Variants in GPC6 observed in about 807,000 individuals in gnomAD.
GPC6 encodes glypican 6.
Under a neutral mutation model 55.2 loss-of-function variants are expected in GPC6, and 14 were observed. That is an observed-to-expected ratio of 0.25 (90% CI 0.17 to 0.40). GPC6 has a LOEUF of 0.40. Among genes scored for constraint, GPC6 ranks in the 10% least tolerant of loss-of-function variants. GPC6 has a pLI of 1.00. For synonymous variants in GPC6, 278 were observed against 259.6 expected, an observed-to-expected ratio of 1.07 and a Z score of -0.68; for missense variants, 641 against 708.5, an observed-to-expected ratio of 0.90 and a Z score of 1.08.
At chr13:93,314,833 G>T (rs540195706) in intron 1 of GPC6, among the ~76,000 whole-genome samples, 9 of 152,152 alleles carry the variant, frequency 5.9e-5, no homozygotes, top group Non-Finnish European at 1.0e-4. Flanking sequence ...AGATTAATCT[G>T]GGAGTAAATT....
At chr13:93,786,125 T>G (rs1025218814) in intron 2 of GPC6, among the ~76,000 whole-genome samples, 2 of 152,180 alleles carry the variant, frequency 1.3e-5, no homozygotes, top group African/African-American at 4.8e-5. Context: ...ACTCAGATGT[T>G]ATTTTCAAAA....
At chr13:93,571,963 T>A (rs558574896) in intron 2 of GPC6, among the ~76,000 whole-genome samples, 3 of 152,288 alleles carry the variant, frequency 2.0e-5, no homozygotes, top group Non-Finnish European at 4.4e-5. Flanking sequence ...GATCTAGTTT[T>A]ACCATTATAA....
intron 2 of GPC6, among the ~76,000 whole-genome samples, chr13:93,755,480 T>G (rs1184547147): frequency 6.6e-6 from 1 of 152,214 alleles, no homozygotes; most frequent in East Asian, 1.9e-4. Context: ...CTATTGTCAT[T>G]TGAAATTCTT....
chr13:93,892,854 GCCTC>G (rs2140319575), intron 3 of GPC6, among the ~76,000 whole-genome samples: 1 of 152,192 alleles, frequency 6.6e-6, no homozygotes, highest in African/African-American at 2.4e-5. Context: ...AAGCCACTCA[GCCTC>G]CCCAGCACTC....
At chr13:94,170,812 A>G (rs902808143) in intron 4 of GPC6, among the ~76,000 whole-genome samples, 22 of 152,226 alleles carry the variant, frequency 1.4e-4, no homozygotes, top group Non-Finnish European at 2.9e-4. Context: ...CATTTGAGCC[A>G]TCATGTTTAA....
chr13:93,950,173 T>C lies in GPC6; in HGVS notation c.712-77556T>C, dbSNP rs1379374087. ...CAAATGGCAAATTTTATGTCATATA[T>C]ATTTTACCACGATAAAAATTAAATA... On this transcript the variant is annotated intron_variant, in intron 3 of 8. Coordinates refer to ENST00000377047, the MANE Select transcript of GPC6 (RefSeq NM_005708.5). Among the ~76,000 whole-genome samples, 3 of 152,210 alleles carry C rather than the reference T, an allele frequency of 2.0e-5. No individual in the cohort carries two copies. In the East Asian group the frequency reaches 5.8e-4, roughly 29 times the overall value.
intron 1 of GPC6, among the ~76,000 whole-genome samples, chr13:93,273,918 G>T (rs1877637369): frequency 1.3e-5 from 2 of 151,758 alleles, no homozygotes; most frequent in Admixed American, 1.3e-4. Context: ...AAGCAATTCT[G>T]TGCCTCAGCG....
chr13:93,669,848 A>G (rs1881289143), intron 2 of GPC6, among the ~76,000 whole-genome samples: 1 of 152,072 alleles, frequency 6.6e-6, no homozygotes, highest in Non-Finnish European at 1.5e-5. Context: ...AAAAAAGCAC[A>G]TATTGATTAG....
intron 4 of GPC6, among the ~76,000 whole-genome samples, chr13:94,122,492 G>A (rs1340313536): frequency 1.3e-5 from 2 of 152,072 alleles, no homozygotes; most frequent in Non-Finnish European, 2.9e-5. Flanking sequence ...AATTAGGTTG[G>A]ATGACCAGTC....
chr13:93,697,590 C>T (rs540237673), intron 2 of GPC6, among the ~76,000 whole-genome samples: 13 of 152,248 alleles, frequency 8.5e-5, no homozygotes, highest in Non-Finnish European at 1.3e-4. Context: ...TGTTAGACAA[C>T]GAATTAGCAT....
intron 1 of GPC6, among the ~76,000 whole-genome samples, chr13:93,370,322 CAAACATA>C (rs1881405436): frequency 6.6e-6 from 1 of 152,222 alleles, no homozygotes. Flanking sequence ...TTACATATGA[CAAACATA>C]AACACCCCAA....
intron 3 of GPC6, among the ~76,000 whole-genome samples, chr13:94,003,681 T>C (rs571517938): frequency 7.9e-5 from 12 of 152,176 alleles, no homozygotes; most frequent in Non-Finnish European, 1.8e-4. Context: ...ACAAACAGAA[T>C]GGAGGCAAGA....
At chr13:94,260,081 C>A (rs1422138109) in intron 4 of GPC6, among the ~76,000 whole-genome samples, 1 of 152,126 alleles carries the variant, frequency 6.6e-6, no homozygotes, top group Admixed American at 6.5e-5. Context: ...ACGGGATGTT[C>A]TTAACCTGTT....
intron 4 of GPC6, among the ~76,000 whole-genome samples, chr13:94,216,659 G>T (rs753721262): frequency 2.6e-5 from 4 of 152,096 alleles, no homozygotes; most frequent in Non-Finnish European, 5.9e-5. Flanking sequence ...CTTCTGTTCT[G>T]CCAGCTGGTC....
At chr13:93,793,773 G>A (rs1246901963) in intron 2 of GPC6, among the ~76,000 whole-genome samples, 3 of 152,064 alleles carry the variant, frequency 2.0e-5, no homozygotes, top group East Asian at 1.9e-4. Flanking sequence ...ATTTCATATT[G>A]CAAGATGATT....
intron 1 of GPC6, among the ~76,000 whole-genome samples, chr13:93,530,371 C>G (rs1460324754): frequency 6.6e-6 from 1 of 152,152 alleles, no homozygotes; most frequent in East Asian, 1.9e-4. Flanking sequence ...TCATTTCTCT[C>G]CAGGTAATTC....
chr13:94,327,374 C>T (rs1029317587), intron 6 of GPC6, among the ~76,000 whole-genome samples: 3 of 152,134 alleles, frequency 2.0e-5, no homozygotes, highest in African/African-American at 7.2e-5. Context: ...GGGCCTTTTG[C>T]GTCTCTTTCC....
At chr13:93,315,307 A>T (rs1879210142) in intron 1 of GPC6, among the ~76,000 whole-genome samples, 2 of 152,192 alleles carry the variant, frequency 1.3e-5, no homozygotes, top group African/African-American at 2.4e-5. Context: ...AATGAATATG[A>T]TCATATTGTG....
At chr13:93,218,234 T>C in the GPC6 span, among the ~76,000 whole-genome samples, 2 of 152,036 alleles carry the variant, frequency 1.3e-5, no homozygotes. Flanking sequence ...TAGAAGCAAG[T>C]TTTAAAAATG....
Sources: allele counts gnomAD v4.1 joint callset (sites outside exome capture counted in the v4.1 genomes callset), GRCh38; gene constraint gnomAD v4.1.1; transcripts MANE v1.5; gene names NCBI Gene and HGNC (gene_info 2026-07-23, HGNC 2026-07-21).